ENTREP2: variants seen among roughly 807,000 people sequenced by gnomAD.
ENTREP2 encodes endosomal transmembrane epsin interactor 2.
the ENTREP2 span, among the ~76,000 whole-genome samples, chr15:29,448,515 G>A: frequency 4.9e-4 from 74 of 152,284 alleles, no homozygotes; most frequent in African/African-American, 1.7e-3. Context: ...GCACTTAAGC[G>A]ACTGTTTTCT....
chr15:29,577,349 T>TGTGTGTGA, the ENTREP2 span, among the ~76,000 whole-genome samples: 667 of 144,424 alleles, frequency 4.6e-3, 9 homozygotes, highest in African/African-American at 0.014. Flanking sequence ...TGTGTGTGTG[T>TGTGTGTGA]GAGAGAGAGA....
the ENTREP2 span, among the ~76,000 whole-genome samples, chr15:29,215,853 A>G: frequency 2.0e-5 from 3 of 151,960 alleles, no homozygotes; most frequent in African/African-American, 7.2e-5. Context: ...TGAAGCATGG[A>G]GTTCTGAGTT....
the ENTREP2 span, among the ~76,000 whole-genome samples, chr15:29,583,252 CAGAT>C: frequency 1.1e-4 from 17 of 152,184 alleles, no homozygotes; most frequent in Admixed American, 2.6e-4. Flanking sequence ...AGAAAGGACA[CAGAT>C]AGACTGAATA....
the ENTREP2 span, among the ~76,000 whole-genome samples, chr15:29,488,073 A>G: frequency 4.6e-5 from 7 of 152,096 alleles, no homozygotes; most frequent in African/African-American, 1.5e-4. Flanking sequence ...ATTAACAAAC[A>G]TTGTCCCTGA....
chr15:29,511,261 C>T, the ENTREP2 span, among the ~76,000 whole-genome samples: 7 of 152,078 alleles, frequency 4.6e-5, no homozygotes, highest in African/African-American at 1.7e-4. Flanking sequence ...CAGAGGAGGG[C>T]TCATTTTTAC....
the ENTREP2 span, among the ~76,000 whole-genome samples, chr15:29,453,027 GC>G: frequency 6.6e-6 from 1 of 152,088 alleles, no homozygotes; most frequent in Non-Finnish European, 1.5e-5. Context: ...GAAAGGAAAT[GC>G]CTCCCTGCTT....
the ENTREP2 span, among the ~76,000 whole-genome samples, chr15:29,635,395 A>T: frequency 1.3e-5 from 2 of 152,094 alleles, no homozygotes; most frequent in Non-Finnish European, 2.9e-5. Context: ...TCACAATATC[A>T]CAGGGGCCAT....
chr15:29,215,402 C>A, the ENTREP2 span, among the ~76,000 whole-genome samples: 1 of 151,968 alleles, frequency 6.6e-6, no homozygotes, highest in Non-Finnish European at 1.5e-5. Context: ...GAGAGACTGG[C>A]CTAGCCTCCC....
At chr15:29,338,083 C>A in the ENTREP2 span, among the ~76,000 whole-genome samples, 1 of 152,022 alleles carries the variant, frequency 6.6e-6, no homozygotes, top group African/African-American at 2.4e-5. Flanking sequence ...GTACGTATAT[C>A]ATCTCGCCCA....
chr15:29,605,921 G>T, the ENTREP2 span, among the ~76,000 whole-genome samples: 1 of 152,054 alleles, frequency 6.6e-6, no homozygotes, highest in Non-Finnish European at 1.5e-5. Context: ...TACTACCTAG[G>T]ATAAGAAATA....
At chr15:29,247,477 T>G in the ENTREP2 span, among the ~76,000 whole-genome samples, 1 of 152,150 alleles carries the variant, frequency 6.6e-6, no homozygotes, top group Non-Finnish European at 1.5e-5. Flanking sequence ...CTACCATGTA[T>G]AAAAATAGAT....
chr15:29,305,468 A>C, the ENTREP2 span, among the ~76,000 whole-genome samples: 2 of 152,300 alleles, frequency 1.3e-5, no homozygotes, highest in Admixed American at 1.3e-4. Context: ...CAAGAGATTA[A>C]AGTGGTTCAG....
the ENTREP2 span, among the ~76,000 whole-genome samples, chr15:29,263,162 AG>A: frequency 6.6e-6 from 1 of 152,274 alleles, no homozygotes; most frequent in African/African-American, 2.4e-5. Context: ...TCAAAAGAAG[AG>A]AAAACCTGAA....
the ENTREP2 span, among the ~76,000 whole-genome samples, chr15:29,200,480 T>C: frequency 2.6e-5 from 4 of 152,072 alleles, no homozygotes; most frequent in African/African-American, 4.8e-5. Context: ...CTCGTCTCCA[T>C]ATACATTTTA....
the ENTREP2 span, among the ~76,000 whole-genome samples, chr15:29,135,606 C>T: frequency 6.6e-6 from 1 of 152,326 alleles, no homozygotes; most frequent in East Asian, 1.9e-4. This position sits in a 1 kb window ranked among gnomAD's most constrained non-coding sequence, Gnocchi z 7.4. Context: ...GTCCTGTTGG[C>T]TCCATTACGG....
At chr15:29,425,207 T>TTA in the ENTREP2 span, among the ~76,000 whole-genome samples, 252 of 151,024 alleles carry the variant, frequency 1.7e-3, 1 homozygote, top group African/African-American at 5.7e-3. Context: ...TTGTTTTTTT[T>TTA]TTTGTATTTT....
the ENTREP2 span, among the ~76,000 whole-genome samples, chr15:29,228,318 CA>C: frequency 6.6e-6 from 1 of 151,282 alleles, no homozygotes; most frequent in Admixed American, 6.6e-5. Context: ...GACTCCGTCT[CA>C]AACAAAAACA....
At chr15:29,487,701 CGTTT>C in the ENTREP2 span, among the ~76,000 whole-genome samples, 2 of 152,088 alleles carry the variant, frequency 1.3e-5, no homozygotes, top group African/African-American at 2.4e-5. Context: ...GGCGTTTGTT[CGTTT>C]GTTTTGAGAC....
the ENTREP2 span, among the ~76,000 whole-genome samples, chr15:29,395,766 G>A: frequency 4.0e-5 from 6 of 151,788 alleles, no homozygotes; most frequent in Admixed American, 3.3e-4. Context: ...ACTCTTGGGT[G>A]CCAACGATCC....
Sources: gnomAD v4.1 joint callset for allele counts (sites outside exome capture counted in the v4.1 genomes callset) on GRCh38, gnomAD v4.1.1 for gene constraint, Gnocchi (gnomAD v3.1) non-coding constraint, MANE v1.5 for transcripts, NCBI Gene and HGNC (gene_info 2026-07-23, HGNC 2026-07-21) for gene names.